PEPD: variants seen among roughly 807,000 people sequenced by gnomAD.
PEPD encodes xaa-Pro dipeptidase.
PEPD carries 53 observed loss-of-function variants against 60.7 expected under a neutral mutation model. The observed-to-expected ratio is 0.87, with a 90% CI of 0.70 to 1.10. The LOEUF (loss-of-function observed/expected upper bound fraction) is 1.10, where lower values mean the gene tolerates loss of function less well. Among genes scored for constraint, PEPD ranks in the 50% least tolerant of loss-of-function variants. The pLI is 0.00. For missense variants in PEPD, 711 were observed against 711.9 expected (o/e 1.00, Z 0.01); for synonymous variants, 267 against 284.1 (o/e 0.94, Z 0.60).
At chr19:33,500,046 T>G (rs749117358) in intron 4 of PEPD, among the ~76,000 whole-genome samples, 2 of 152,240 alleles carry the variant, frequency 1.3e-5, no homozygotes, top group Non-Finnish European at 2.9e-5. Context: ...GCCCCGGCTC[T>G]TAGCATGGCC....
At chr19:33,493,535 A>G in intron 4 of PEPD, 198 bp from the exon 5 acceptor site, 1 of 661,706 alleles carries the variant, frequency 1.5e-6, no homozygotes. Context: ...CCACACAGCC[A>G]TCGAGGGGCA....
At chr19:33,491,424 G>A (rs552272695) in intron 5 of PEPD, among the ~76,000 whole-genome samples, 4 of 152,242 alleles carry the variant, frequency 2.6e-5, no homozygotes, top group Admixed American at 6.5e-5. Flanking sequence ...CACTCTAGCC[G>A]GGCAACAAGA....
intron 10 of PEPD, among the ~76,000 whole-genome samples, chr19:33,413,217 G>A (rs1968815657): frequency 6.6e-6 from 1 of 152,228 alleles, no homozygotes; most frequent in African/African-American, 2.4e-5. Context: ...TGCCCAGCCT[G>A]AGCTCACAGC....
At chr19:33,496,495 T>C (rs1173108075) in intron 4 of PEPD, among the ~76,000 whole-genome samples, 2 of 152,106 alleles carry the variant, frequency 1.3e-5, no homozygotes, top group African/African-American at 4.8e-5. Flanking sequence ...CACCCGCCCT[T>C]CCCCATGGAG....
intron 10 of PEPD, among the ~76,000 whole-genome samples, chr19:33,412,929 G>A (rs1455549302): frequency 1.3e-5 from 2 of 152,174 alleles, no homozygotes; most frequent in Non-Finnish European, 2.9e-5. Flanking sequence ...GCTGTGCATG[G>A]CCCACACAGC....
intron 9 of PEPD, among the ~76,000 whole-genome samples, chr19:33,415,196 A>G (rs4805884): frequency 0.4 from 60,667 of 151,838 alleles, 12,789 homozygotes; most frequent in Admixed American, 0.54. Flanking sequence ...GTCCTGCACC[A>G]ACAGAAGCGA....
At chr19:33,462,348 G>A (rs2145270556) in intron 9 of PEPD, among the ~76,000 whole-genome samples, 1 of 152,324 alleles carries the variant, frequency 6.6e-6, no homozygotes, top group South Asian at 2.1e-4. Flanking sequence ...TCGGAATGGG[G>A]GCCTCCTGCC....
At chr19:33,445,542 G>C (rs1157245753) in intron 9 of PEPD, among the ~76,000 whole-genome samples, 1 of 152,224 alleles carries the variant, frequency 6.6e-6, no homozygotes, top group Non-Finnish European at 1.5e-5. Flanking sequence ...GGCCGCATGA[G>C]GACATGGCAA....
chr19:33,509,331 C>T (rs1424031189), intron 3 of PEPD, among the ~76,000 whole-genome samples: 1 of 152,254 alleles, frequency 6.6e-6, no homozygotes, highest in Non-Finnish European at 1.5e-5. Context: ...GAAACAGTCC[C>T]CTTTTCTTCT....
Position 33,490,030 on chromosome 19 carries a change from C to T in PEPD, c.469G>A (p.Val157Ile). 1 of 1,612,614 alleles carries T rather than the reference C, an allele frequency of 6.2e-7. No homozygotes were observed. Among genetic ancestry groups the T allele is most frequent in the Non-Finnish European group, 8.5e-7 (1 of 1,179,188 alleles). ...LRGVNTDSGS[V>I]CREASFDGIS... ...CCGTCAAAGGAGGCCTCCCTGCAGACACTGCCGCTGTCCGTGTTGACGCCA... is the reference window on the plus strand; with the variant it reads ...CCGTCAAAGGAGGCCTCCCTGCAGATACTGCCGCTGTCCGTGTTGACGCCA... Residue 157 changes from valine (V) to isoleucine (I), a missense_variant, in exon 6 of 15, where the codon GTC becomes ATC. Coordinates refer to ENST00000244137, the MANE Select transcript of PEPD (RefSeq NM_000285.4).
intron 3 of PEPD, among the ~76,000 whole-genome samples, chr19:33,504,085 G>A (rs1970758198): frequency 6.6e-6 from 1 of 152,186 alleles, no homozygotes; most frequent in Non-Finnish European, 1.5e-5. Context: ...TCTGGCAACT[G>A]TGCATTGCAT....
At chr19:33,459,787 G>C (rs8107227) in intron 9 of PEPD, among the ~76,000 whole-genome samples, 1 of 152,064 alleles carries the variant, frequency 6.6e-6, no homozygotes, top group African/African-American at 2.4e-5. Context: ...TCCTGGGGTG[G>C]GTGGTGTGTC....
At chr19:33,439,965 G>A (rs1969453330) in intron 9 of PEPD, among the ~76,000 whole-genome samples, 1 of 152,154 alleles carries the variant, frequency 6.6e-6, no homozygotes, top group African/African-American at 2.4e-5. Context: ...TGATCTCCCT[G>A]CCGTGGACTA....
intron 14 of PEPD, 139 bp downstream of exon 14, chr19:33,387,751 C>T: frequency 1.2e-6 from 1 of 816,422 alleles, no homozygotes; most frequent in Non-Finnish European, 2.1e-6. Flanking sequence ...CATCCTGTGA[C>T]AGACCACACG....
At chr19:33,510,942 C>T in intron 3 of PEPD, 86 bp downstream of exon 3, 1 of 1,438,512 alleles carries the variant, frequency 7.0e-7, no homozygotes. Flanking sequence ...GTCCCCAGGC[C>T]CAACCCAGCT....
At chr19:33,505,343 G>A (rs994828439) in intron 3 of PEPD, among the ~76,000 whole-genome samples, 6 of 152,080 alleles carry the variant, frequency 3.9e-5, no homozygotes, top group African/African-American at 1.4e-4. Flanking sequence ...AGCAGACCTC[G>A]CCACAGTGAC....
chr19:33,517,106 T>G (rs748525255), intron 1 of PEPD, among the ~76,000 whole-genome samples: 1 of 152,078 alleles, frequency 6.6e-6, no homozygotes, highest in African/African-American at 2.4e-5. Flanking sequence ...GCTTGAGCAC[T>G]GGAGGCGGAG....
intron 11 of PEPD, 35 bp downstream of exon 11, chr19:33,411,637 T>C (rs777275285): frequency 7.9e-7 from 1 of 1,265,718 alleles, no homozygotes; most frequent in Non-Finnish European, 1.2e-6. Flanking sequence ...GCCTGGCTGT[T>C]CACACACAGA....
rs141689378 is a variant in PEPD, at chr19:33,507,648, T to A, written c.329+3380A>T. On this transcript the variant is annotated intron_variant, in intron 3 of 14. Coordinates refer to ENST00000244137, the MANE Select transcript of PEPD (RefSeq NM_000285.4). ...GAGGAGCTGAAGGTCAAATGTGAAGTCTGGTGGGTTTTGCTTGCAAAGGCC... is the reference window on the plus strand; with the variant it reads ...GAGGAGCTGAAGGTCAAATGTGAAGACTGGTGGGTTTTGCTTGCAAAGGCC... Among the ~76,000 whole-genome samples the A allele has an allele frequency of 2.8e-3, 419 of 152,234 alleles. 1 individual carries two copies. Among genetic ancestry groups the A allele is most frequent in the Non-Finnish European group, 4.3e-3 (292 of 68,010 alleles).
Sources: gnomAD v4.1 joint callset for allele counts (sites outside exome capture counted in the v4.1 genomes callset) on GRCh38, gnomAD v4.1.1 for gene constraint, MANE v1.5 for transcripts, NCBI Gene and HGNC (gene_info 2026-07-23, HGNC 2026-07-21) for gene names.